Variants in KNDC1 observed in about 807,000 individuals in gnomAD.
KNDC1 encodes kinase non-catalytic C-lobe domain-containing protein 1.
In KNDC1, 106 loss-of-function variants were observed where a neutral mutation model predicts 172.8. That is an observed-to-expected ratio of 0.61 (90% CI 0.52 to 0.72). The LOEUF is 0.72. Among genes scored for constraint, KNDC1 ranks in the 30% least tolerant of loss-of-function variants. The probability of loss-of-function intolerance (pLI) is 0.00; values close to 1 mark genes in which losing one functional copy is unlikely to be tolerated. For synonymous variants in KNDC1, 1,083 were observed against 1,062.2 expected, an observed-to-expected ratio of 1.02 and a Z score of -0.38; for missense variants, 2,325 against 2,394.5, an observed-to-expected ratio of 0.97 and a Z score of 0.61.
intron 3 of KNDC1, among the ~76,000 whole-genome samples, chr10:133,174,693 G>A (rs1853476453): frequency 6.6e-6 from 1 of 151,882 alleles, no homozygotes; most frequent in Admixed American, 6.6e-5. Flanking sequence ...TGGATGGGTG[G>A]GTAGATAGGT....
At chr10:133,174,044 C>G (rs1853453813) in intron 3 of KNDC1, 1 of 152,334 alleles carries the variant, frequency 6.6e-6, no homozygotes, top group Non-Finnish European at 1.5e-5. Context: ...GTTTGCTTGG[C>G]ATTCATCCAC....
In KNDC1 at chr10:133,201,822, G is replaced by A. The variant is rs2136002943; in HGVS notation, c.3311G>A (p.Gly1104Glu). 6.7e-7 allele frequency: 1 copy of A among 1,497,510 alleles called. No individual in the cohort carries two copies. The highest frequency in any genetic ancestry group is 1.8e-4 in the Middle Eastern group (1 of 5,516). 92.8% of individuals were successfully genotyped at this position (1,497,510 alleles called of 1,614,324 possible). ...GCCTTCTACGAGGCCGACTGCTTCGGGGCCGACGTCCACAACTACGTGAAG... is the reference window on the plus strand; with the variant it reads ...GCCTTCTACGAGGCCGACTGCTTCGAGGCCGACGTCCACAACTACGTGAAG... ...CSAFYEADCF[G>E]ADVHNYVKDL... is the part of the protein sequence containing the mutation. Residue 1104 changes from glycine to glutamate, a missense_variant, in exon 17 of 30, where the codon GGG (glycine) becomes GAG (glutamate). Physicochemically the swap from Gly to Glu is moderately conservative, Grantham distance 98 (BLOSUM62 -2). Coordinates refer to ENST00000304613, the MANE Select transcript of KNDC1 (RefSeq NM_152643.8).
At chr10:133,184,180 A>G (rs1284452357) in intron 5 of KNDC1, among the ~76,000 whole-genome samples, 191 bp downstream of exon 5, 4 of 147,530 alleles carry the variant, frequency 2.7e-5, no homozygotes, top group Non-Finnish European at 4.5e-5. Flanking sequence ...ACCTATGCAC[A>G]CACACACCTA....
At chr10:133,196,879 C>T (rs548065257) in intron 10 of KNDC1, among the ~76,000 whole-genome samples, 179 bp from the exon 11 acceptor site, 8 of 152,232 alleles carry the variant, frequency 5.3e-5, no homozygotes, top group East Asian at 1.9e-4. Context: ...GACTGTGAGC[C>T]CTTTTCAGGA....
At chr10:133,180,647 T>C (rs1853689461) in intron 3 of KNDC1, among the ~76,000 whole-genome samples, 1 of 152,372 alleles carries the variant, frequency 6.6e-6, no homozygotes, top group Non-Finnish European at 1.5e-5. Context: ...ACATGGGCAC[T>C]TAGAGCTCTT....
chr10:133,194,634 GC>G (rs1363886327), intron 9 of KNDC1, among the ~76,000 whole-genome samples: 1 of 152,192 alleles, frequency 6.6e-6, no homozygotes, highest in Non-Finnish European at 1.5e-5. Context: ...GTCTGCGTCT[GC>G]TGTGCCTGGA....
chr10:133,189,827 C>T lies in KNDC1; in HGVS notation c.1575+14C>T. 6.3e-7 allele frequency: 1 copy of T among 1,585,026 alleles called. No individual in the cohort carries two copies. Among genetic ancestry groups the T allele is most frequent in the Non-Finnish European group, 8.6e-7 (1 of 1,157,338 alleles). On this transcript the variant is annotated intron_variant, in intron 9 of 29. Transcript: ENST00000304613. ...GTAACTGAAAAGGTACCCGGGCCCT[C>T]CCCACCCTGCCCCAGCCCTGCCCCC...
In KNDC1 at chr10:133,186,503, G is replaced by C; in HGVS notation, c.1155G>C (p.Arg385Ser). 1.2e-6 allele frequency: 2 copies of C among 1,612,344 alleles called. No homozygotes were observed. The highest frequency in any genetic ancestry group is 1.7e-6 in the Non-Finnish European group (2 of 1,179,776). The change falls in exon 6 of 30, where the codon AGG becomes AGC. Residue 385 changes from arginine to serine, a missense_variant. Transcript: ENST00000304613. ...RVPCAGRSTD[R>S]GPGVPGSPGQ... Reference sequence around the variant, plus strand: ...CCTGTGCAGGCCGCAGCACGGACAGGGGCCCTGGGGTGCCCGGCAGTCCAG... The same window carrying C: ...CCTGTGCAGGCCGCAGCACGGACAGCGGCCCTGGGGTGCCCGGCAGTCCAG...
chr10:133,186,990 G>T (rs111928284), intron 6 of KNDC1, among the ~76,000 whole-genome samples: 5 of 152,156 alleles, frequency 3.3e-5, no homozygotes, highest in Admixed American at 3.3e-4. Context: ...ATTTTCTTCC[G>T]GGAAGCAAGG....
At chr10:133,196,242 C>T (rs1854188162) in intron 10 of KNDC1, among the ~76,000 whole-genome samples, 2 of 152,082 alleles carry the variant, frequency 1.3e-5, no homozygotes, top group Non-Finnish European at 2.9e-5. Flanking sequence ...CTGAGGATCC[C>T]ACCAGCCCCG....
intron 26 of KNDC1, among the ~76,000 whole-genome samples, chr10:133,218,040 A>G (rs1845503353): frequency 6.6e-6 from 1 of 150,938 alleles, no homozygotes; most frequent in Non-Finnish European, 1.5e-5. Context: ...AGCCTGGGCC[A>G]CAGAGCAAGA....
intron 3 of KNDC1, among the ~76,000 whole-genome samples, chr10:133,182,981 ACAGGCGGCG>A (rs1564881722): frequency 3.6e-5 from 5 of 140,514 alleles, no homozygotes; most frequent in East Asian, 2.1e-4. Flanking sequence ...CGGTGTGGGC[ACAGGCGGCG>A]TGGGCACAGG....
rs375233626 is a variant in KNDC1, at chr10:133,185,570, G to A, written c.626-404G>A. 1.4e-4 allele frequency among the ~76,000 whole-genome samples: 21 copies of A among 152,104 alleles called. No homozygotes were observed. The East Asian group carries it at 2.7e-3, about 20-fold the overall frequency. On this transcript the variant is annotated intron_variant, in intron 5 of 29. Transcript: ENST00000304613. ...GAGATCAACGCCGTGTGTGGGAGGC[G>A]GCCGCTGACGGCCGTAGCCACATCA... is the stretch of plus-strand genomic sequence containing the variant.
At chr10:133,180,748 C>A (rs151108163) in intron 3 of KNDC1, among the ~76,000 whole-genome samples, 39 of 152,344 alleles carry the variant, frequency 2.6e-4, no homozygotes, top group Middle Eastern at 3.4e-3. Context: ...AGCCCTGATG[C>A]GCAGGGGCGC....
chr10:133,167,366 G>C lies in KNDC1; in HGVS notation c.103-15G>C. The C allele has an allele frequency of 6.4e-7, 1 of 1,558,768 alleles. No homozygotes were observed. On this transcript the variant is annotated splice_polypyrimidine_tract_variant and intron_variant, in intron 1 of 29. Coordinates refer to ENST00000304613, the MANE Select transcript of KNDC1 (RefSeq NM_152643.8). ...GGGGTCCTGCCGGGCTCACGGCCAG[G>C]GCCGGTCTTGGCAGGAGAACGTGTC...
At chr10:133,197,033 C>T (rs763190918) in intron 10 of KNDC1, 25 bp from the exon 11 acceptor site, 47 of 1,594,070 alleles carry the variant, frequency 2.9e-5, no homozygotes, top group Non-Finnish European at 3.4e-5. Flanking sequence ...CCTGTCGGGA[C>T]GTGTGAACTG....
intron 3 of KNDC1, among the ~76,000 whole-genome samples, chr10:133,176,060 G>A (rs567617040): frequency 6.6e-6 from 1 of 151,580 alleles, no homozygotes; most frequent in South Asian, 2.1e-4. Flanking sequence ...ATGGGTGGGT[G>A]AGTGGATAGG....
chr10:133,186,692 G>T lies in KNDC1; in HGVS notation c.1326+18G>T. 1.9e-6 allele frequency: 3 copies of T among 1,547,790 alleles called. No individual in the cohort carries two copies. The highest frequency in any genetic ancestry group is 2.6e-6 in the Non-Finnish European group (3 of 1,154,882). ...CGGAGCAGGTGGGTGCCTGGGTCTT[G>T]TGTGTGGGTGGAGGGGTCGGCGGTC... On this transcript the variant is annotated intron_variant, in intron 6 of 29. Transcript: ENST00000304613.
At chr10:133,219,386 C>A (rs1845534842) in intron 28 of KNDC1, among the ~76,000 whole-genome samples, 1 of 152,216 alleles carries the variant, frequency 6.6e-6, no homozygotes, top group African/African-American at 2.4e-5. Context: ...TGAGCTTGAC[C>A]GACCTGGACC....
Sources: gnomAD v4.1 joint callset for allele counts (sites outside exome capture counted in the v4.1 genomes callset) on GRCh38, gnomAD v4.1.1 for gene constraint, MANE v1.5 for transcripts, NCBI Gene and HGNC (gene_info 2026-07-23, HGNC 2026-07-21) for gene names.